PANK2: variants seen among roughly 807,000 people sequenced by gnomAD.
PANK2 encodes pantothenate kinase 2, also known as pantothenate kinase 2, mitochondrial.
Under a neutral mutation model 43.1 loss-of-function variants are expected in PANK2, and 36 were observed. The ratio of observed to expected loss-of-function variants is 0.84; its 90% CI spans 0.64 to 1.10. The LOEUF (loss-of-function observed/expected upper bound fraction) is 1.10. Among genes scored for constraint, PANK2 ranks in the 50% least tolerant of loss-of-function variants. The pLI, the probability that PANK2 is intolerant of heterozygous loss-of-function variation, is 0.00. For missense variants in PANK2, 576 were observed against 593.3 expected (o/e 0.97, Z 0.30); for synonymous variants, 281 against 238.2 (o/e 1.18, Z -1.66).
intron 5 of PANK2, among the ~76,000 whole-genome samples, chr20:3,918,277 A>G (rs1484713719): frequency 2.0e-5 from 3 of 151,968 alleles, no homozygotes; most frequent in African/African-American, 7.2e-5. Flanking sequence ...TTTGATGACT[A>G]GTGGTTTGAA....
intron 1 of PANK2, among the ~76,000 whole-genome samples, chr20:3,895,192 C>G (rs1055274711): frequency 6.6e-6 from 1 of 151,952 alleles, no homozygotes; most frequent in East Asian, 1.9e-4. Context: ...GAGAATCACT[C>G]GAACCCAGGA....
chr20:3,889,275 C>G, upstream of PANK2: 1 of 1,610,928 alleles, frequency 6.2e-7, no homozygotes. Context: ...CAATCCTCCT[C>G]GAGTTAGGGA....
At chr20:3,898,332 T>C (rs1417220026) in intron 1 of PANK2, among the ~76,000 whole-genome samples, 1 of 152,066 alleles carries the variant, frequency 6.6e-6, no homozygotes, top group Non-Finnish European at 1.5e-5. Flanking sequence ...CCTGATTATC[T>C]GGGATTACAG....
At chr20:3,899,365 T>G (rs1020703042) in intron 1 of PANK2, among the ~76,000 whole-genome samples, 5 of 151,330 alleles carry the variant, frequency 3.3e-5, no homozygotes, top group Admixed American at 1.3e-4. Flanking sequence ...GAGACGGGGC[T>G]TCACCATGTT....
rs754299494 is a variant in PANK2 at position 3,923,548 on chromosome 20, T to TG, written c.*255dup. The TG allele has an allele frequency of 9.1e-5, 50 of 550,038 alleles. No homozygotes were observed. Among genetic ancestry groups the TG allele is most frequent in the Non-Finnish European group, 1.6e-4 (49 of 307,714 alleles). The allele number at this position is 550,038 out of a possible 1,614,324, so 34.1% of individuals were successfully genotyped here. A position where few individuals can be genotyped will look rare whatever the true frequency, so the allele number is the denominator to read the frequency against. On this transcript the variant is annotated 3_prime_UTR_variant, in exon 7 of 7. Coordinates refer to ENST00000610179, the MANE Select transcript of PANK2 (RefSeq NM_001386393.1). The stretch of plus-strand genomic sequence containing the variant: ...GTGTGAGGATTTGCTGTATATAAGT[T>TG]GCCTGCTTTGTATTTTTGAAATCTC...
rs1035570531 is a variant in PANK2 at position 3,907,491 on chromosome 20, T to C, written c.299-435T>C. On this transcript the variant is annotated intron_variant, in intron 1 of 6. Transcript: ENST00000610179. ...GAAAGATAAATTGACCATTGGAGGT[T>C]ATATGTTACATAGGTTTGGGAATTT... 8.5e-5 allele frequency among the ~76,000 whole-genome samples: 13 copies of C among 152,314 alleles called. No individual in the cohort carries two copies. In the East Asian group the frequency reaches 2.5e-3, roughly 29 times the overall value.
upstream of PANK2, chr20:3,888,839 A>G: frequency 2.1e-6 from 1 of 471,252 alleles, no homozygotes; most frequent in Admixed American, 3.5e-5. Context: ...TAGCCCAAAC[A>G]TGCTGGGGGA....
Position 3,913,903 on chromosome 20 carries a change from T to C in PANK2, c.1082+1269T>C, listed in dbSNP as rs1346918975. Among the ~76,000 whole-genome samples, 16 of 150,498 alleles carry C rather than the reference T, an allele frequency of 1.1e-4. No individual in the cohort carries two copies. The East Asian group carries it at 1.2e-3, about 11-fold the overall frequency. ...TCCTGGGTTCATGCCATTCTTCTGC[T>C]TCAGCCTTCCAAGTAGCTGGGACTA... On this transcript the variant is annotated intron_variant, in intron 4 of 6. Transcript: ENST00000610179.
In PANK2 at chr20:3,918,721, C is replaced by T. The variant is rs755785651; in HGVS notation, c.1257C>T (p.Ile419=). The stretch of plus-strand genomic sequence containing the variant: ...GAAATTTCTTGAGAATTAATACGAT[C>T]GCCATGCGGCTTTTGGCATATGCTT... Residue 419 remains isoleucine (I), a synonymous_variant, in exon 6 of 7, where the codon ATC becomes ATT. Coordinates refer to ENST00000610179, the MANE Select transcript of PANK2 (RefSeq NM_001386393.1). The T allele has an allele frequency of 2.0e-5, 33 of 1,614,084 alleles. No homozygotes were observed. Among genetic ancestry groups the T allele is most frequent in the Admixed American group, 5.0e-5 (3 of 60,004 alleles).
At chr20:3,901,927 G>A (rs2035874176) in intron 1 of PANK2, among the ~76,000 whole-genome samples, 1 of 151,944 alleles carries the variant, frequency 6.6e-6, no homozygotes, top group South Asian at 2.1e-4. Context: ...CTGATGAAAA[G>A]TCTGATACTG....
Position 3,928,844 on chromosome 20 carries a change from ATTTTC to A in PANK2, c.*5558_*5562del, listed in dbSNP as rs1457235635. On this transcript the variant is annotated 3_prime_UTR_variant, in exon 7 of 7. Transcript: ENST00000610179. The stretch of plus-strand genomic sequence containing the variant: ...ATAAAGGGAAAATTCTGTAGGAAGC[ATTTTC>A]TTTTCTTGTGTGTTTTTTTGAGACG... 2 of 147,144 alleles carry A rather than the reference ATTTTC, an allele frequency of 1.4e-5. No individual in the cohort carries two copies. Among genetic ancestry groups the A allele is most frequent in the Non-Finnish European group, 3.0e-5 (2 of 67,030 alleles). 9.1% of individuals were successfully genotyped at this position (147,144 alleles called of 1,614,324 possible).
intron 1 of PANK2, among the ~76,000 whole-genome samples, chr20:3,903,012 CACACA>C (rs2090327933): frequency 2.0e-5 from 3 of 149,202 alleles, no homozygotes; most frequent in African/African-American, 4.9e-5. Context: ...CACACACACA[CACACA>C]CCCCTTTTAC....
At chr20:3,890,003 G>A in intron 1 of PANK2, 3 of 1,288,182 alleles carry the variant, frequency 2.3e-6, no homozygotes, top group South Asian at 1.3e-5. Flanking sequence ...TTAGCTCCTT[G>A]GGCATTCTCT....
At chr20:3,908,846 C>T (rs2090427277) in intron 2 of PANK2, 1 of 158,408 alleles carries the variant, frequency 6.3e-6, no homozygotes, top group African/African-American at 2.4e-5. Flanking sequence ...ATGTCTGGCC[C>T]CTGGGGAATG....
intron 3 of PANK2, among the ~76,000 whole-genome samples, chr20:3,911,128 A>G (rs1872777424): frequency 6.6e-6 from 1 of 152,242 alleles, no homozygotes; most frequent in African/African-American, 2.4e-5. Context: ...ATTAGGCAGC[A>G]TCTGTAAGGA....
Position 3,910,671 on chromosome 20 carries a change from A to C in PANK2, c.746A>C (p.Gln249Pro). 6.2e-7 allele frequency: 1 copy of C among 1,614,230 alleles called. No homozygotes were observed. The highest frequency in any genetic ancestry group is 8.5e-7 in the Non-Finnish European group (1 of 1,180,038). ...TCAGTCGGATTCAATGGACGGTCAC[A>C]GTGCTATTACTTTGAAAACCCTGCT... is the stretch of plus-strand genomic sequence containing the variant. The change falls in exon 3 of 7, where the codon CAG (glutamine) becomes CCG (proline). Residue 249 changes from glutamine to proline, a missense_variant. Transcript: ENST00000610179.
chr20:3,902,377 T>G (rs1277713311), intron 1 of PANK2, among the ~76,000 whole-genome samples: 1 of 151,706 alleles, frequency 6.6e-6, no homozygotes, highest in East Asian at 1.9e-4. Flanking sequence ...GTGGCCAGAC[T>G]GTAGTACAGT....
chr20:3,891,849 CAT>C (rs1209768492), intron 1 of PANK2, among the ~76,000 whole-genome samples: 3 of 152,206 alleles, frequency 2.0e-5, no homozygotes, highest in Admixed American at 6.5e-5. Flanking sequence ...TAAGTAGACA[CAT>C]ATTCATGCTA....
intron 1 of PANK2, among the ~76,000 whole-genome samples, chr20:3,890,160 C>T (rs1348110355): frequency 1.3e-5 from 2 of 152,126 alleles, no homozygotes; most frequent in East Asian, 1.9e-4. Context: ...CCCTTTTATT[C>T]GTCAATTTCG....
Sources: gnomAD v4.1 joint callset for allele counts (sites outside exome capture counted in the v4.1 genomes callset) on GRCh38, gnomAD v4.1.1 for gene constraint, MANE v1.5 for transcripts, NCBI Gene and HGNC (gene_info 2026-07-23, HGNC 2026-07-21) for gene names.